DAPK1: variants seen among roughly 807,000 people sequenced by gnomAD.
The protein encoded by DAPK1 is death associated protein kinase 1.
DAPK1 carries 56 observed loss-of-function variants against 144.9 expected under a neutral mutation model. The ratio of observed to expected loss-of-function variants is 0.39; its 90% CI spans 0.31 to 0.48. The LOEUF (loss-of-function observed/expected upper bound fraction) is 0.48, where lower values mean the gene tolerates loss of function less well. Among genes scored for constraint, DAPK1 ranks in the 20% least tolerant of loss-of-function variants. The pLI is 0.95. For synonymous variants in DAPK1, 690 were observed against 749.0 expected (o/e 0.92, Z 1.29); for missense variants, 1,454 against 1,875.4 (o/e 0.78, Z 4.15).
chr9:87,572,207 C>T (rs556302932), intron 2 of DAPK1, among the ~76,000 whole-genome samples: 1 of 152,300 alleles, frequency 6.6e-6, no homozygotes, highest in Non-Finnish European at 1.5e-5. Flanking sequence ...ATCACACTGC[C>T]CCATGCCTTT....
chr9:87,657,998 A>G (rs559735320), intron 17 of DAPK1, 31 bp from the exon 18 acceptor site: 58 of 848,290 alleles, frequency 6.8e-5, no homozygotes, highest in African/African-American at 4.8e-4. Flanking sequence ...CGTGAGAAGA[A>G]CGACCTTTGG....
intron 3 of DAPK1, among the ~76,000 whole-genome samples, chr9:87,617,278 A>G (rs1564025241): frequency 6.6e-6 from 1 of 152,036 alleles, no homozygotes; most frequent in Admixed American, 6.5e-5. Flanking sequence ...TCCTTATTGG[A>G]ATGGGGAGGT....
intron 20 of DAPK1, among the ~76,000 whole-genome samples, chr9:87,684,482 G>T (rs1476630419): frequency 6.6e-6 from 1 of 152,178 alleles, no homozygotes. Flanking sequence ...TAGAATTTTG[G>T]CCCTTTTCCA....
At chr9:87,508,251 A>G (rs978647100) in intron 2 of DAPK1, among the ~76,000 whole-genome samples, 1 of 151,772 alleles carries the variant, frequency 6.6e-6, no homozygotes, top group African/African-American at 2.4e-5. Context: ...ACCTCAGGTG[A>G]TCTGCCCTCC....
In DAPK1 at chr9:87,706,859, T is replaced by G; in HGVS notation, c.3788T>G (p.Leu1263Arg). 1.2e-6 allele frequency: 2 copies of G among 1,613,962 alleles called. No individual in the cohort carries two copies. The highest frequency in any genetic ancestry group is 1.7e-6 in the Non-Finnish European group (2 of 1,180,008). ...CGGGACTTCTTCCGGGCACAGACTC[T>G]GAAGGAAACCTCACTGACCAACACC... ...QPRDFFRAQT[L>R]KETSLTNTMG... The change falls in exon 26 of 26, where the codon CTG becomes CGG. Residue 1263 changes from leucine to arginine, a missense_variant. Around this residue, in one of 2 missense-constraint regions of DAPK1, gnomAD observed 1,025 missense variants for 1,237.9 expected, o/e 0.83. Coordinates refer to ENST00000408954, the MANE Select transcript of DAPK1 (RefSeq NM_004938.4). This position sits in a 1 kb window ranked among gnomAD's most constrained non-coding sequence, Gnocchi z 9.0.
chr9:87,654,463 T>A (rs946602310), intron 17 of DAPK1, among the ~76,000 whole-genome samples: 6 of 152,164 alleles, frequency 3.9e-5, no homozygotes, highest in African/African-American at 1.4e-4. Flanking sequence ...CTTTTGCATG[T>A]TATGTGATTA....
intron 2 of DAPK1, among the ~76,000 whole-genome samples, chr9:87,522,968 TTATC>T (rs1259929766): frequency 6.6e-6 from 1 of 152,242 alleles, no homozygotes; most frequent in Non-Finnish European, 1.5e-5. Context: ...TAGGAGCTCT[TTATC>T]TATTAAATAG....
At chr9:87,691,305 T>C (rs1260311216) in intron 21 of DAPK1, among the ~76,000 whole-genome samples, 1 of 152,076 alleles carries the variant, frequency 6.6e-6, no homozygotes, top group Non-Finnish European at 1.5e-5. Context: ...CCTCTGATGA[T>C]CTTTGGTATT....
chr9:87,527,938 C>G (rs1825572694), intron 2 of DAPK1, among the ~76,000 whole-genome samples: 1 of 152,224 alleles, frequency 6.6e-6, no homozygotes, highest in Non-Finnish European at 1.5e-5. Context: ...ATTAATCCTC[C>G]TTTCTACTGA....
Position 87,697,162 on chromosome 9 carries a change from C to T in DAPK1, c.2569C>T (p.Leu857Phe), listed in dbSNP as rs369653085. 6 of 1,587,148 alleles carry T rather than the reference C, an allele frequency of 3.8e-6. No homozygotes were observed. Among genetic ancestry groups the T allele is most frequent in the African/African-American group, 1.3e-5 (1 of 74,392 alleles). ...EIQLNQVIFW[L>F]SFLKSLVPVE... ...CCAGCTGAACCAAGTGATTTTCTGG[C>T]TCAGTTTCCTGAAGTCCCTTGTCCC... is the stretch of plus-strand genomic sequence containing the variant. Residue 857 changes from leucine to phenylalanine, a missense_variant, in exon 22 of 26, where the codon CTC becomes TTC. Physicochemically the swap from Leu to Phe is conservative, Grantham distance 22 (BLOSUM62 0). This residue lies in a region of DAPK1 where 1,025 missense variants were observed against 1,237.9 expected (regional missense o/e 0.83). Coordinates refer to ENST00000408954, the MANE Select transcript of DAPK1 (RefSeq NM_004938.4).
intron 4 of DAPK1, 77 bp from the exon 5 acceptor site, chr9:87,639,277 A>C (rs893440510): frequency 2.8e-6 from 3 of 1,083,036 alleles, no homozygotes; most frequent in South Asian, 2.5e-5. Flanking sequence ...TTTTTTTTGG[A>C]GAGAAGAACT....
At chr9:87,648,511 C>A in intron 14 of DAPK1, 1 of 407,748 alleles carries the variant, frequency 2.5e-6, no homozygotes, top group Admixed American at 4.0e-5. Context: ...AGACTGAGAA[C>A]AGCTATCATG....
intron 2 of DAPK1, among the ~76,000 whole-genome samples, chr9:87,567,283 G>A (rs576091800): frequency 1.6e-4 from 24 of 152,250 alleles, no homozygotes; most frequent in Admixed American, 2.6e-4. Flanking sequence ...GCCATCTGCT[G>A]TCTCCTCGAC....
chr9:87,681,850 C>G (rs1260982084), intron 20 of DAPK1: 1 of 581,350 alleles, frequency 1.7e-6, no homozygotes, highest in African/African-American at 1.9e-5. Context: ...AAGGGCCTCA[C>G]TGAAATCACA....
At chr9:87,649,620 C>T (rs575346386) in intron 15 of DAPK1, among the ~76,000 whole-genome samples, 16 of 152,326 alleles carry the variant, frequency 1.1e-4, no homozygotes, top group Non-Finnish European at 1.9e-4. Context: ...ATGGTTTCAA[C>T]GGGCTCCCGA....
intron 13 of DAPK1, among the ~76,000 whole-genome samples, chr9:87,647,065 A>C (rs1490825522): frequency 9.9e-5 from 15 of 152,262 alleles, no homozygotes; most frequent in Admixed American, 9.8e-4. Context: ...AAAAGTTGGA[A>C]AAGTGGTACA....
At chr9:87,548,598 A>T (rs1826351335) in intron 2 of DAPK1, among the ~76,000 whole-genome samples, 2 of 152,200 alleles carry the variant, frequency 1.3e-5, no homozygotes, top group African/African-American at 4.8e-5. Context: ...TTGTGTTCAG[A>T]GTTTCTTCCC....
In DAPK1 at chr9:87,707,097, G is replaced by A. The variant is rs762841055; in HGVS notation, c.4026G>A (p.Lys1342=). ...MNLGLPDLVA[K]YNTSNGAPKD... is the part of the protein sequence containing the mutation. ...TAGGCCTCCCTGACCTCGTGGCAAA[G>A]TACAACACCAGTAACGGGGCTCCCA... Residue 1342 remains lysine, a synonymous_variant, in exon 26 of 26, where the codon AAG becomes AAA. Transcript: ENST00000408954. The surrounding 1 kb of genome is among the most constrained non-coding windows in gnomAD (Gnocchi z 4.0). 3 of 1,614,088 alleles carry A rather than the reference G, an allele frequency of 1.9e-6. No homozygotes were observed. The highest frequency in any genetic ancestry group is 2.2e-5 in the South Asian group (2 of 91,080).
chr9:87,549,749 A>G (rs562974811), intron 2 of DAPK1, among the ~76,000 whole-genome samples: 1 of 152,342 alleles, frequency 6.6e-6, no homozygotes, highest in African/African-American at 2.4e-5. Flanking sequence ...GCAGAGCACC[A>G]AAAGAAACCA....
Sources: gnomAD v4.1 joint callset for allele counts (sites outside exome capture counted in the v4.1 genomes callset) on GRCh38, gnomAD v4.1.1 for gene constraint, gnomAD v4.1.1 regional missense constraint, Gnocchi (gnomAD v3.1) non-coding constraint, MANE v1.5 for transcripts, NCBI Gene and HGNC (gene_info 2026-07-23, HGNC 2026-07-21) for gene names.